CDH11: variants seen among roughly 807,000 people sequenced by gnomAD.
The protein encoded by CDH11 is cadherin 11.
CDH11 carries 11 observed loss-of-function variants against 67.8 expected under a neutral mutation model. The observed-to-expected ratio is 0.16, with a 90% confidence interval of 0.10 to 0.27. The LOEUF is 0.27. Ranked by LOEUF, CDH11 falls within the 10% of genes least tolerant of loss-of-function variation. The pLI is 1.00. For missense variants in CDH11, 847 were observed against 1,031.2 expected (o/e 0.82, Z 2.45); for synonymous variants, 419 against 400.0 (o/e 1.05, Z -0.57).
At chr16:65,037,491 C>A (rs576699253) in intron 2 of CDH11, among the ~76,000 whole-genome samples, 1 of 152,166 alleles carries the variant, frequency 6.6e-6, no homozygotes, top group African/African-American at 2.4e-5. Context: ...GTTTAGGGAG[C>A]CTTCCTTTGT....
chr16:64,988,346 TAGA>T lies in CDH11; in HGVS notation c.812-5_812-3del, dbSNP rs758963382. On this transcript the variant is annotated splice_region_variant and splice_polypyrimidine_tract_variant and intron_variant, in intron 6 of 12. Coordinates refer to ENST00000268603, the MANE Select transcript of CDH11 (RefSeq NM_001797.4). ...CTGACACAGACATCTGGTATACGCC[TAGA>T]AGAAGAAGACATCTATTTTTATTTT... 5.6e-6 allele frequency: 9 copies of T among 1,599,930 alleles called. No individual in the cohort carries two copies. The highest frequency in any genetic ancestry group is 2.3e-5 in the South Asian group (2 of 88,328).
At chr16:64,993,181 A>T in intron 4 of CDH11, 147 bp from the exon 5 acceptor site, 1 of 487,178 alleles carries the variant, frequency 2.1e-6, no homozygotes, top group South Asian at 2.4e-5. Context: ...GAGATGCAAA[A>T]TAACCAGCCA....
intron 1 of CDH11, among the ~76,000 whole-genome samples, chr16:65,065,114 G>A (rs950612107): frequency 7.2e-5 from 11 of 152,194 alleles, no homozygotes; most frequent in Non-Finnish European, 1.5e-4. Context: ...GGACAGAGAA[G>A]GAATTACAGG....
intron 1 of CDH11, among the ~76,000 whole-genome samples, chr16:65,090,164 A>G (rs953624141): frequency 1.3e-5 from 2 of 152,148 alleles, no homozygotes; most frequent in African/African-American, 4.8e-5. Flanking sequence ...AAACATTTCT[A>G]TTCTGAAAAC....
At chr16:64,981,784 A>T (rs1220677000) in intron 8 of CDH11, 2 of 345,046 alleles carry the variant, frequency 5.8e-6, no homozygotes, top group Non-Finnish European at 1.0e-5. Flanking sequence ...AGACAGGCCC[A>T]GCTCAGGGCT....
chr16:65,057,162 C>T (rs190226939), intron 1 of CDH11, among the ~76,000 whole-genome samples: 7 of 152,150 alleles, frequency 4.6e-5, no homozygotes, highest in East Asian at 1.9e-4. Flanking sequence ...TTCTCTGCAC[C>T]GGCCTTCATG....
intron 7 of CDH11, chr16:64,987,119 C>T (rs2072506609): frequency 6.6e-6 from 1 of 152,170 alleles, no homozygotes; most frequent in Non-Finnish European, 1.5e-5. Context: ...TCCCATCTTC[C>T]AATTCCGATT....
At chr16:64,975,919 G>T (rs2072155335) in intron 8 of CDH11, among the ~76,000 whole-genome samples, 1 of 152,072 alleles carries the variant, frequency 6.6e-6, no homozygotes, top group Admixed American at 6.6e-5. Context: ...AGGAAGGAAA[G>T]GTTGACATTT....
intron 11 of CDH11, among the ~76,000 whole-genome samples, chr16:64,967,089 T>C (rs1224320062): frequency 6.6e-6 from 1 of 152,210 alleles, no homozygotes; most frequent in African/African-American, 2.4e-5. Flanking sequence ...CTAACTAGAA[T>C]TGACCTGGAT....
intron 2 of CDH11, among the ~76,000 whole-genome samples, chr16:65,047,654 C>T (rs925146458): frequency 6.6e-6 from 1 of 152,092 alleles, no homozygotes; most frequent in Non-Finnish European, 1.5e-5. Context: ...CAGGTCTCAC[C>T]TTTTAAATTT....
Position 64,947,213 on chromosome 16 carries a change from A to G in CDH11, c.*390T>C. ...AGAGTTTAAGGCGAAATTACAGCTC[A>G]GAACTGTTGTCCTTTCTAATTTTGT... On this transcript the variant is annotated 3_prime_UTR_variant, in exon 13 of 13. Transcript: ENST00000268603. 9.1e-7 allele frequency: 1 copy of G among 1,093,570 alleles called. No homozygotes were observed. The highest frequency in any genetic ancestry group is 1.1e-6 in the Non-Finnish European group (1 of 895,256). The allele number at this position is 1,093,570 out of a possible 1,614,324, so 67.7% of individuals were successfully genotyped here.
intron 1 of CDH11, among the ~76,000 whole-genome samples, chr16:65,100,737 C>CA (rs34745214): frequency 0.32 from 29,406 of 92,616 alleles, 4,015 homozygotes; most frequent in Middle Eastern, 0.47. Context: ...GACTCTGTCT[C>CA]AAAAAAAAAA....
At position 64,991,808 on chromosome 16, in the gene CDH11, T is replaced by A; in HGVS notation, c.771A>T (p.Thr257=). ...GLSGTTKVTI[T]LTDVNDNPPK... The stretch of plus-strand genomic sequence containing the variant: ...GTGGGTTGTCATTGACATCGGTCAG[T>A]GTGATCGTCACTTTGGTTGTCCCTG... The change falls in exon 6 of 13, where the codon ACA becomes ACT. Residue 257 remains threonine, a synonymous_variant. Transcript: ENST00000268603. 1 of 1,613,940 alleles carries A rather than the reference T, an allele frequency of 6.2e-7. No individual in the cohort carries two copies. The highest frequency in any genetic ancestry group is 1.6e-4 in the Middle Eastern group (1 of 6,062).
At chr16:65,107,759 G>A in intron 1 of CDH11, among the ~76,000 whole-genome samples, 1 of 152,158 alleles carries the variant, frequency 6.6e-6, no homozygotes, top group South Asian at 2.1e-4. Flanking sequence ...TCCTTCTCCA[G>A]AATGCTGAGA....
At chr16:65,112,517 G>A (rs1214846331) in intron 1 of CDH11, among the ~76,000 whole-genome samples, 1 of 152,142 alleles carries the variant, frequency 6.6e-6, no homozygotes, top group Non-Finnish European at 1.5e-5. Context: ...TATTCTCTGT[G>A]CTGTTAATAT....
intron 1 of CDH11, among the ~76,000 whole-genome samples, chr16:65,091,709 G>C (rs986445972): frequency 6.6e-6 from 1 of 151,746 alleles, no homozygotes; most frequent in South Asian, 2.1e-4. Context: ...CCACCACCAC[G>C]CCCGGCTAAT....
intron 1 of CDH11, among the ~76,000 whole-genome samples, chr16:65,096,403 C>CG (rs199984245): frequency 7.5e-6 from 1 of 133,918 alleles, no homozygotes; most frequent in Admixed American, 7.9e-5. Context: ...ATAAATCTTT[C>CG]GGGGTGTGTG....
chr16:65,114,815 G>A (rs796201472), intron 1 of CDH11, among the ~76,000 whole-genome samples: 5 of 152,270 alleles, frequency 3.3e-5, no homozygotes, highest in African/African-American at 1.2e-4. Flanking sequence ...AAGAGAGGGT[G>A]AGGACTCCGT....
At chr16:64,948,762 G>A (rs1023308787) in intron 12 of CDH11, 19 of 1,600,468 alleles carry the variant, frequency 1.2e-5, no homozygotes, top group Admixed American at 1.7e-5. Flanking sequence ...CCCTGGGAGA[G>A]GGGGGTTCCA....
Sources: allele counts gnomAD v4.1 joint callset (sites outside exome capture counted in the v4.1 genomes callset), GRCh38; gene constraint gnomAD v4.1.1; transcripts MANE v1.5; gene names NCBI Gene and HGNC (gene_info 2026-07-23, HGNC 2026-07-21).